The following EPB41L4A variants were observed in gnomAD, a reference collection of about 807,000 sequenced individuals.
EPB41L4A encodes band 4.1-like protein 4A.
In EPB41L4A, 100 loss-of-function variants were observed where a neutral mutation model predicts 108.6. That is an observed-to-expected ratio of 0.92 (90% CI 0.78 to 1.09). EPB41L4A has a LOEUF of 1.09. Among genes scored for constraint, EPB41L4A ranks in the 50% least tolerant of loss-of-function variants. The pLI is 0.00. For synonymous variants in EPB41L4A, 319 were observed against 289.0 expected, an observed-to-expected ratio of 1.10 and a Z score of -1.05; for missense variants, 1,030 against 842.7, an observed-to-expected ratio of 1.22 and a Z score of -2.75.
chr5:112,325,689 AGAGGTAGCT>A (rs1450887595), intron 1 of EPB41L4A, among the ~76,000 whole-genome samples: 1 of 152,218 alleles, frequency 6.6e-6, no homozygotes, highest in African/African-American at 2.4e-5. Context: ...ACCAATGTTC[AGAGGTAGCT>A]GAAGGGTGAG....
chr5:112,259,098 C>T (rs2150435283), intron 9 of EPB41L4A, 131 bp downstream of exon 9: 1 of 697,440 alleles, frequency 1.4e-6, no homozygotes, highest in East Asian at 2.6e-5. Context: ...AGAAGTTGTG[C>T]ATGTGAGTTA....
chr5:112,278,449 A>C (rs1485843102), intron 3 of EPB41L4A, among the ~76,000 whole-genome samples: 1 of 151,978 alleles, frequency 6.6e-6, no homozygotes, highest in East Asian at 2.0e-4. Flanking sequence ...ACGAGGCTTC[A>C]CCATGTTGGC....
chr5:112,382,130 T>A (rs964292764), intron 1 of EPB41L4A, among the ~76,000 whole-genome samples: 1 of 152,236 alleles, frequency 6.6e-6, no homozygotes, highest in Non-Finnish European at 1.5e-5. Context: ...TAACTTAACA[T>A]CCATTCTGGC....
chr5:112,398,801 A>C (rs983916483), intron 1 of EPB41L4A, among the ~76,000 whole-genome samples: 2 of 152,098 alleles, frequency 1.3e-5, no homozygotes, highest in Non-Finnish European at 2.9e-5. Context: ...TAAGACTGCC[A>C]ATCTTATTCG....
At chr5:112,344,697 C>A (rs1757525741) in intron 1 of EPB41L4A, among the ~76,000 whole-genome samples, 1 of 152,252 alleles carries the variant, frequency 6.6e-6, no homozygotes, top group Non-Finnish European at 1.5e-5. Flanking sequence ...CCTGTGTCCG[C>A]AGCTCAACTC....
intron 12 of EPB41L4A, among the ~76,000 whole-genome samples, chr5:112,214,898 C>T (rs535497796): frequency 9.5e-4 from 144 of 152,190 alleles, no homozygotes; most frequent in Non-Finnish European, 1.7e-3. Context: ...TCTGGAAACA[C>T]AGATTATTCT....
At chr5:112,409,058 T>C (rs536529810) in intron 1 of EPB41L4A, among the ~76,000 whole-genome samples, 4 of 152,240 alleles carry the variant, frequency 2.6e-5, no homozygotes, top group South Asian at 2.1e-4. Context: ...CTATTTGTAA[T>C]AGCCAAACAG....
At chr5:112,166,582 C>CCTT (rs34613623) in intron 22 of EPB41L4A, among the ~76,000 whole-genome samples, 112,828 of 151,766 alleles carry the variant, frequency 0.74, 43,032 homozygotes, top group East Asian at 1. Flanking sequence ...TCTGAGATGG[C>CCTT]CTCTGACCAC....
chr5:112,405,391 A>T (rs1378987678), intron 1 of EPB41L4A, among the ~76,000 whole-genome samples: 1 of 152,226 alleles, frequency 6.6e-6, no homozygotes, highest in Non-Finnish European at 1.5e-5. Context: ...CCAGATCCAC[A>T]GAAATTGTTG....
chr5:112,294,935 G>A (rs182985031), intron 2 of EPB41L4A, among the ~76,000 whole-genome samples: 133 of 152,306 alleles, frequency 8.7e-4, no homozygotes, highest in Middle Eastern at 6.8e-3. Context: ...CTTTCTGAAA[G>A]AAAACTGCAA....
intron 3 of EPB41L4A, among the ~76,000 whole-genome samples, chr5:112,277,478 T>C (rs994207133): frequency 6.6e-6 from 1 of 152,216 alleles, no homozygotes; most frequent in Non-Finnish European, 1.5e-5. Context: ...AAGGCATTAT[T>C]ACCATTTGGT....
In EPB41L4A at chr5:112,312,886, C is replaced by T. The variant is rs150351550; in HGVS notation, c.100-5396G>A. Among the ~76,000 whole-genome samples the T allele has an allele frequency of 5.7e-3, 864 of 152,230 alleles. 2 individuals carry two copies. The highest frequency in any genetic ancestry group is 0.014 in the Middle Eastern group (4 of 294). ...AGTCTTCAGGTCCAGAAGAAATCAT[C>T]TTTGAATAAAGAAATGAAGAACTGA... On this transcript the variant is annotated intron_variant, in intron 1 of 22. Coordinates refer to ENST00000261486, the MANE Select transcript of EPB41L4A (RefSeq NM_022140.5).
intron 2 of EPB41L4A, among the ~76,000 whole-genome samples, chr5:112,281,663 T>C (rs1197754799): frequency 6.6e-6 from 1 of 152,252 alleles, no homozygotes. Flanking sequence ...CCAGCACTCA[T>C]GCGCTGGCGC....
intron 1 of EPB41L4A, among the ~76,000 whole-genome samples, chr5:112,395,528 A>T (rs1002176764): frequency 6.6e-6 from 1 of 152,232 alleles, no homozygotes; most frequent in Non-Finnish European, 1.5e-5. Flanking sequence ...GAGAAATGCA[A>T]ATCAAAACCA....
At chr5:112,367,907 C>A (rs971630802) in intron 1 of EPB41L4A, among the ~76,000 whole-genome samples, 18 of 150,778 alleles carry the variant, frequency 1.2e-4, no homozygotes, top group African/African-American at 4.2e-4. Context: ...ATACTATAAC[C>A]CAAAATTGAA....
intron 20 of EPB41L4A, among the ~76,000 whole-genome samples, chr5:112,169,310 G>A (rs1385005393): frequency 6.6e-6 from 1 of 152,080 alleles, no homozygotes; most frequent in Non-Finnish European, 1.5e-5. Context: ...GCTCTTTAAA[G>A]TATTTGTGTG....
At chr5:112,229,987 CAA>C (rs71224877) in intron 12 of EPB41L4A, among the ~76,000 whole-genome samples, 39 of 77,162 alleles carry the variant, frequency 5.1e-4, no homozygotes, top group Admixed American at 1.3e-3. Flanking sequence ...GACTCTGTCT[CAA>C]AAAAAAAAAA....
chr5:112,205,341 C>G (rs1208797029), intron 14 of EPB41L4A, 80 bp downstream of exon 14: 1 of 1,206,246 alleles, frequency 8.3e-7, no homozygotes, highest in Non-Finnish European at 1.2e-6. Flanking sequence ...CACCCAGCAG[C>G]TGGATTCCTT....
chr5:112,225,722 C>A (rs539974700), intron 12 of EPB41L4A, among the ~76,000 whole-genome samples: 1 of 152,316 alleles, frequency 6.6e-6, no homozygotes, highest in East Asian at 1.9e-4. Context: ...ACATTAAATA[C>A]TACCGGGCCC....
Sources: gnomAD v4.1 joint callset for allele counts (sites outside exome capture counted in the v4.1 genomes callset) on GRCh38, gnomAD v4.1.1 for gene constraint, MANE v1.5 for transcripts, NCBI Gene and HGNC (gene_info 2026-07-23, HGNC 2026-07-21) for gene names.